CTDSPL2: variants seen among roughly 807,000 people sequenced by gnomAD.
CTDSPL2 encodes CTD small phosphatase-like protein 2.
CTDSPL2 carries 5 observed loss-of-function variants against 60.0 expected under a neutral mutation model. The ratio of observed to expected loss-of-function variants is 0.08; its 90% CI spans 0.04 to 0.18. The LOEUF (loss-of-function observed/expected upper bound fraction) is 0.18. CTDSPL2 is among the 10% of genes least tolerant of loss of function. The probability of loss-of-function intolerance (pLI) is 1.00; values close to 1 mark genes in which losing one functional copy is unlikely to be tolerated. For missense variants in CTDSPL2, 370 were observed against 548.8 expected (o/e 0.67, Z 3.26); for synonymous variants, 186 against 189.3 (o/e 0.98, Z 0.14).
intron 1 of CTDSPL2, among the ~76,000 whole-genome samples, chr15:44,457,023 T>G (rs1250994514): frequency 2.0e-5 from 3 of 152,032 alleles, no homozygotes; most frequent in Non-Finnish European, 4.4e-5. Context: ...ACTACAGACA[T>G]GCACCACCAT....
Position 44,510,524 on chromosome 15 carries a change from ATAT to A in CTDSPL2, c.970-4070_970-4068del, listed in dbSNP as rs1466413562. Among the ~76,000 whole-genome samples, 9 of 152,308 alleles carry A rather than the reference ATAT, an allele frequency of 5.9e-5. No individual in the cohort carries two copies. The South Asian group carries it at 1.2e-3, about 21-fold the overall frequency. ...TAAAATTATTTGTACTATAAATAAA[ATAT>A]TATCGATTTGAAGAAACATGTATAC... On this transcript the variant is annotated intron_variant, in intron 8 of 12. Coordinates refer to ENST00000260327, the MANE Select transcript of CTDSPL2 (RefSeq NM_016396.3).
At chr15:44,492,692 TA>T (rs1335469585) in intron 5 of CTDSPL2, among the ~76,000 whole-genome samples, 1 of 152,250 alleles carries the variant, frequency 6.6e-6, no homozygotes, top group African/African-American at 2.4e-5. Context: ...AGGTTTATTT[TA>T]AAGTCATCAA....
In CTDSPL2 at chr15:44,523,386, C is replaced by G. The variant is rs561779462; in HGVS notation, c.1336-723C>G. Among the ~76,000 whole-genome samples, 109 of 132,876 alleles carry G rather than the reference C, an allele frequency of 8.2e-4. 1 individual carries two copies. The highest frequency in any genetic ancestry group is 5.3e-3 in the Admixed American group (65 of 12,280). 87.2% of individuals were successfully genotyped at this position (132,876 alleles called of 152,430 possible). A position where few individuals can be genotyped will look rare whatever the true frequency, so the allele number is the denominator to read the frequency against. ...CCAGGGCAACATAGTGAGACCTCAT[C>G]TCTACATACATACATACATACATAC... On this transcript the variant is annotated intron_variant, in intron 12 of 12. Coordinates refer to ENST00000260327, the MANE Select transcript of CTDSPL2 (RefSeq NM_016396.3).
intron 1 of CTDSPL2, among the ~76,000 whole-genome samples, chr15:44,443,913 T>C (rs2080146145): frequency 6.6e-6 from 1 of 152,134 alleles, no homozygotes. Flanking sequence ...AAAAACAAAA[T>C]TTTTTAAGAG....
chr15:44,496,631 G>T (rs969376480), intron 6 of CTDSPL2, among the ~76,000 whole-genome samples, 173 bp downstream of exon 6: 1 of 152,138 alleles, frequency 6.6e-6, no homozygotes, highest in African/African-American at 2.4e-5. Flanking sequence ...AGAGACCCAG[G>T]CAGGCAGATT....
intron 12 of CTDSPL2, among the ~76,000 whole-genome samples, chr15:44,523,333 T>C (rs1476840638): frequency 6.6e-6 from 1 of 152,040 alleles, no homozygotes; most frequent in East Asian, 1.9e-4. Flanking sequence ...GGTGGGAGGA[T>C]TGCTTGAGGC....
At chr15:44,496,304 G>T (rs774591408) in intron 5 of CTDSPL2, 76 bp from the exon 6 acceptor site, 2 of 1,010,062 alleles carry the variant, frequency 2.0e-6, no homozygotes. Context: ...GAAGATCTTA[G>T]ATAGAAGCAG....
intron 8 of CTDSPL2, among the ~76,000 whole-genome samples, chr15:44,500,565 C>T (rs1050856577): frequency 6.6e-6 from 1 of 152,080 alleles, no homozygotes; most frequent in Non-Finnish European, 1.5e-5. Flanking sequence ...GATTGGGAAT[C>T]GAAAAGTTTG....
At chr15:44,470,039 A>C (rs1232739065) in intron 2 of CTDSPL2, among the ~76,000 whole-genome samples, 2 of 145,986 alleles carry the variant, frequency 1.4e-5, no homozygotes, top group Non-Finnish European at 3.0e-5. Context: ...CGGAGCTTGC[A>C]GTGAGCCGAG....
chr15:44,482,892 C>T (rs2081052684), intron 2 of CTDSPL2, among the ~76,000 whole-genome samples: 2 of 152,044 alleles, frequency 1.3e-5, no homozygotes, highest in African/African-American at 2.4e-5. Flanking sequence ...AGATCTAATC[C>T]TTACCAAAAG....
At chr15:44,466,304 C>T (rs2080690344) in intron 2 of CTDSPL2, among the ~76,000 whole-genome samples, 1 of 152,138 alleles carries the variant, frequency 6.6e-6, no homozygotes, top group Non-Finnish European at 1.5e-5. Context: ...CATGAGCCAC[C>T]ACACCTGGCC....
At chr15:44,434,408 AAAG>A (rs2079930809) in intron 1 of CTDSPL2, among the ~76,000 whole-genome samples, 1 of 152,156 alleles carries the variant, frequency 6.6e-6, no homozygotes, top group Non-Finnish European at 1.5e-5. Flanking sequence ...CAAGAAAAAA[AAAG>A]AAGACAGAGT....
intron 8 of CTDSPL2, among the ~76,000 whole-genome samples, chr15:44,506,576 T>C (rs1405582800): frequency 4.0e-5 from 6 of 151,264 alleles, no homozygotes; most frequent in Non-Finnish European, 7.4e-5. Flanking sequence ...TGTGCCACCA[T>C]GCCCTTTTTT....
At chr15:44,447,098 A>G (rs2080233383) in intron 1 of CTDSPL2, among the ~76,000 whole-genome samples, 1 of 152,166 alleles carries the variant, frequency 6.6e-6, no homozygotes, top group African/African-American at 2.4e-5. Context: ...TTATGTGGAA[A>G]TTTTTACTTA....
At chr15:44,432,470 C>T (rs2079879482) in intron 1 of CTDSPL2, among the ~76,000 whole-genome samples, 1 of 151,988 alleles carries the variant, frequency 6.6e-6, no homozygotes, top group South Asian at 2.1e-4. Context: ...TAGGCACACG[C>T]CACCATGCTC....
chr15:44,516,442 A>G (rs2081656426), intron 10 of CTDSPL2, among the ~76,000 whole-genome samples: 1 of 152,198 alleles, frequency 6.6e-6, no homozygotes, highest in Non-Finnish European at 1.5e-5. Flanking sequence ...AAGCTGTGGT[A>G]TCTTTTGTTT....
At chr15:44,521,961 A>AC (rs1471681846) in intron 12 of CTDSPL2, among the ~76,000 whole-genome samples, 2 of 149,406 alleles carry the variant, frequency 1.3e-5, no homozygotes, top group Admixed American at 6.7e-5. Context: ...AAAAAAAAAA[A>AC]AACATGATGA....
At chr15:44,443,759 T>A (rs566086224) in intron 1 of CTDSPL2, among the ~76,000 whole-genome samples, 9 of 152,206 alleles carry the variant, frequency 5.9e-5, no homozygotes, top group Non-Finnish European at 1.2e-4. Context: ...TTTTTGAATC[T>A]GGTTGTTTTT....
intron 1 of CTDSPL2, among the ~76,000 whole-genome samples, chr15:44,458,204 T>C (rs1005939449): frequency 6.6e-6 from 1 of 152,238 alleles, no homozygotes; most frequent in African/African-American, 2.4e-5. Context: ...GACTACAGAT[T>C]AGCCATGATT....
Sources: allele counts gnomAD v4.1 joint callset (sites outside exome capture counted in the v4.1 genomes callset), GRCh38; gene constraint gnomAD v4.1.1; transcripts MANE v1.5; gene names NCBI Gene and HGNC (gene_info 2026-07-23, HGNC 2026-07-21).